Variants in ST3GAL4 observed in about 807,000 individuals in gnomAD.
The protein encoded by ST3GAL4 is CMP-N-acetylneuraminate-beta-galactosamide-alpha-2,3-sialyltransferase 4.
A neutral mutation model predicts 42.6 loss-of-function variants in ST3GAL4; 24 were observed. The ratio of observed to expected loss-of-function variants is 0.56; its 90% confidence interval spans 0.41 to 0.79. The LOEUF is 0.79. Ranked by LOEUF, ST3GAL4 falls within the 30% of genes least tolerant of loss-of-function variation. The probability of loss-of-function intolerance (pLI) is 0.00; values close to 1 mark genes in which losing one functional copy is unlikely to be tolerated. For synonymous variants in ST3GAL4, 135 were observed against 163.2 expected, an observed-to-expected ratio of 0.83 and a Z score of 1.32; for missense variants, 311 against 430.8, an observed-to-expected ratio of 0.72 and a Z score of 2.46.
intron 1 of ST3GAL4, 193 bp from the exon 2 acceptor site, chr11:126,405,903 G>C: frequency 1.5e-6 from 1 of 680,430 alleles, no homozygotes; most frequent in Non-Finnish European, 2.4e-6. Context: ...GGCTCACCTG[G>C]ATCCTTAATG....
In ST3GAL4 at chr11:126,410,723, G is replaced by A. The variant is rs1432169701; in HGVS notation, c.771+1312G>A. Among the ~76,000 whole-genome samples the A allele has an allele frequency of 2.6e-5, 4 of 152,174 alleles. No individual in the cohort carries two copies. The highest frequency in any genetic ancestry group is 2.6e-4 in the Admixed American group (4 of 15,280). ...CAGGCCCCGAGTCTTCTTGCTTGGC[G>A]AGGAAGTTGTGCTCCTTGCTCTAAG... On this transcript the variant is annotated intron_variant, in intron 9 of 10. Coordinates refer to ENST00000444328, the MANE Select transcript of ST3GAL4 (RefSeq NM_001254757.2). This position sits in a 1 kb window ranked among gnomAD's most constrained non-coding sequence, Gnocchi z 5.3.
Position 126,383,498 on chromosome 11 carries a change from T to TG in ST3GAL4, c.-60-22591dup, listed in dbSNP as rs561363210. On this transcript the variant is annotated intron_variant, in intron 1 of 10. Coordinates refer to ENST00000444328, the MANE Select transcript of ST3GAL4 (RefSeq NM_001254757.2). This position sits in a 1 kb window ranked among gnomAD's most constrained non-coding sequence, Gnocchi z 4.5. ...AATGGGGGAAAAGAGTGCCCTGGCT[T>TG]GGGGGGGCCCTCAAGCCCCGGAAGC... 2.6e-5 allele frequency among the ~76,000 whole-genome samples: 4 copies of TG among 151,512 alleles called. No individual in the cohort carries two copies. The highest frequency in any genetic ancestry group is 4.2e-4 in the South Asian group (2 of 4,766).
At position 126,379,284 on chromosome 11, in the gene ST3GAL4, G is replaced by T. The variant is rs1952918911; in HGVS notation, c.-61+23442G>T. 6.6e-6 allele frequency among the ~76,000 whole-genome samples: 1 copy of T among 152,102 alleles called. No individual in the cohort carries two copies. The highest frequency in any genetic ancestry group is 2.4e-5 in the African/African-American group (1 of 41,402). On this transcript the variant is annotated intron_variant, in intron 1 of 10. Coordinates refer to ENST00000444328, the MANE Select transcript of ST3GAL4 (RefSeq NM_001254757.2). The surrounding 1 kb of genome is among the most constrained non-coding windows in gnomAD (Gnocchi z 4.2). ...GTAGATCTTAGAGGATATTCAGTGT[G>T]GATAATGAAATTCCCTAACGAAAAT...
chr11:126,370,511 A>G (rs1282225545), intron 1 of ST3GAL4, among the ~76,000 whole-genome samples: 1 of 152,186 alleles, frequency 6.6e-6, no homozygotes, highest in Non-Finnish European at 1.5e-5. Flanking sequence ...TAAGGGAATT[A>G]ACTGATAAGT....
chr11:126,372,156 A>G (rs1013975146), intron 1 of ST3GAL4, among the ~76,000 whole-genome samples: 2 of 152,192 alleles, frequency 1.3e-5, no homozygotes, highest in Non-Finnish European at 2.9e-5. Flanking sequence ...CCCGCCATCC[A>G]GCTCCAGAAA....
In ST3GAL4 at chr11:126,407,608, C is replaced by G; in HGVS notation, c.315C>G (p.Ser105Arg). 6.2e-7 allele frequency: 1 copy of G among 1,614,172 alleles called. No homozygotes were observed. The highest frequency in any genetic ancestry group is 8.5e-7 in the Non-Finnish European group (1 of 1,180,028). Residue 105 changes from serine (S) to arginine (R), a missense_variant, in exon 6 of 11, where the codon AGC becomes AGG. Physicochemically the swap from Ser to Arg is moderately radical, Grantham distance 110. Transcript: ENST00000444328. ...DLLLRVLAIT[S>R]SSIPKNIQSL... ...TCCTCCGGGTGCTAGCCATCACCAG[C>G]TCCTCCATCCCCAAGAACATCCAGA...
intron 1 of ST3GAL4, among the ~76,000 whole-genome samples, chr11:126,390,017 C>CAAA (rs57306343): frequency 9.2e-4 from 106 of 114,600 alleles, no homozygotes; most frequent in African/African-American, 1.2e-3. Context: ...GCTAAAAATA[C>CAAA]AAAAAAAAAA....
At position 126,414,002 on chromosome 11, in the gene ST3GAL4, G is replaced by A; in HGVS notation, c.957G>A (p.Lys319=). The stretch of plus-strand genomic sequence containing the variant: ...TCTCCCAAGAGGCCCTGGCCATTAA[G>A]CGGATGCTGGAGATGGGAGCTATCA... ...HNVSQEALAI[K]RMLEMGAIKN... is the part of the protein sequence containing the mutation. Residue 319 remains lysine (K), a synonymous_variant, in exon 11 of 11, where the codon AAG becomes AAA. Transcript: ENST00000444328. 1 of 1,614,274 alleles carries A rather than the reference G, an allele frequency of 6.2e-7. No homozygotes were observed. The highest frequency in any genetic ancestry group is 2.2e-5 in the East Asian group (1 of 44,882).
intron 1 of ST3GAL4, among the ~76,000 whole-genome samples, chr11:126,381,444 G>A (rs1952997968): frequency 6.6e-6 from 1 of 151,584 alleles, no homozygotes; most frequent in African/African-American, 2.4e-5. Context: ...GTGGGCAGAG[G>A]AGGAAAGGAG....
chr11:126,379,421 A>G lies in ST3GAL4; in HGVS notation c.-61+23579A>G, dbSNP rs555349490. 1.5e-4 allele frequency among the ~76,000 whole-genome samples: 23 copies of G among 152,252 alleles called. No homozygotes were observed. In the South Asian group the frequency reaches 1.7e-3, roughly 11 times the overall value. The stretch of plus-strand genomic sequence containing the variant: ...TTGGGAAAGCTGTGTCTATTTCATG[A>G]TATCATCTACTTTTATGGAAGGATT... On this transcript the variant is annotated intron_variant, in intron 1 of 10. Transcript: ENST00000444328. This position sits in a 1 kb window ranked among gnomAD's most constrained non-coding sequence, Gnocchi z 4.2.
At chr11:126,381,713 G>T (rs1406023006) in intron 1 of ST3GAL4, among the ~76,000 whole-genome samples, 1 of 151,358 alleles carries the variant, frequency 6.6e-6, no homozygotes, top group Non-Finnish European at 1.5e-5. Context: ...GATAGGCTGA[G>T]GAGGGGCCGT....
rs1953225606 is a variant in ST3GAL4 at position 126,386,322 on chromosome 11, C to G, written c.-60-19774C>G. Among the ~76,000 whole-genome samples the G allele has an allele frequency of 6.6e-6, 1 of 152,098 alleles. No homozygotes were observed. Among genetic ancestry groups the G allele is most frequent in the South Asian group, 2.1e-4 (1 of 4,828 alleles). On this transcript the variant is annotated intron_variant, in intron 1 of 10. Coordinates refer to ENST00000444328, the MANE Select transcript of ST3GAL4 (RefSeq NM_001254757.2). This position sits in a 1 kb window ranked among gnomAD's most constrained non-coding sequence, Gnocchi z 4.7. The stretch of plus-strand genomic sequence containing the variant: ...GAATGCCATGAGTCCAGCATGTCAC[C>G]CTGTTTCTGTCCTGCCACAGTGCTC...
At chr11:126,369,519 C>A (rs1952561543) in intron 1 of ST3GAL4, among the ~76,000 whole-genome samples, 1 of 152,114 alleles carries the variant, frequency 6.6e-6, no homozygotes, top group African/African-American at 2.4e-5. Flanking sequence ...AGTGCTGGGA[C>A]TATAGGCATG....
chr11:126,367,244 T>G (rs1025208238), intron 1 of ST3GAL4, among the ~76,000 whole-genome samples: 5 of 151,856 alleles, frequency 3.3e-5, no homozygotes, highest in Admixed American at 1.3e-4. Flanking sequence ...AGAGGCCTCC[T>G]CCCCCTCCCC....
intron 1 of ST3GAL4, among the ~76,000 whole-genome samples, chr11:126,365,795 C>T (rs935858604): frequency 2.6e-5 from 4 of 152,154 alleles, no homozygotes; most frequent in Non-Finnish European, 5.9e-5. Context: ...GTCACTGGGA[C>T]TGGGCACAGG....
chr11:126,407,883 C>T (rs1180035128), intron 6 of ST3GAL4, among the ~76,000 whole-genome samples: 2 of 152,234 alleles, frequency 1.3e-5, no homozygotes, highest in East Asian at 1.9e-4. Context: ...ACTCCTCTGC[C>T]CTCTTCTGTG....
At chr11:126,401,066 T>A (rs946407543) in intron 1 of ST3GAL4, among the ~76,000 whole-genome samples, 1 of 152,160 alleles carries the variant, frequency 6.6e-6, no homozygotes, top group African/African-American at 2.4e-5. Flanking sequence ...TTTGAACATC[T>A]TCTTCCATTT....
chr11:126,406,902 T>C lies in ST3GAL4; in HGVS notation c.102-41T>C. On this transcript the variant is annotated intron_variant, in intron 3 of 10. Transcript: ENST00000444328. The surrounding 1 kb of genome is among the most constrained non-coding windows in gnomAD (Gnocchi z 5.4). Reference sequence around the variant, plus strand: ...GCTGCCTGGAACATGGGTCCCTGGGTCTGACTGGGGCTTCTGCCTCCTGTC... The same window carrying C: ...GCTGCCTGGAACATGGGTCCCTGGGCCTGACTGGGGCTTCTGCCTCCTGTC... 2 of 1,576,344 alleles carry C rather than the reference T, an allele frequency of 1.3e-6. No individual in the cohort carries two copies. Among genetic ancestry groups the C allele is most frequent in the Non-Finnish European group, 8.7e-7 (1 of 1,146,826 alleles).
At chr11:126,399,156 A>G (rs1241927038) in intron 1 of ST3GAL4, among the ~76,000 whole-genome samples, 1 of 152,152 alleles carries the variant, frequency 6.6e-6, no homozygotes, top group Non-Finnish European at 1.5e-5. Flanking sequence ...TATTCTTATT[A>G]AACTATCAAA....
Sources: gnomAD v4.1 joint callset for allele counts (sites outside exome capture counted in the v4.1 genomes callset) on GRCh38, gnomAD v4.1.1 for gene constraint, Gnocchi (gnomAD v3.1) non-coding constraint, MANE v1.5 for transcripts, NCBI Gene and HGNC (gene_info 2026-07-23, HGNC 2026-07-21) for gene names.